Variants in PTPRD observed in about 807,000 individuals in gnomAD.
PTPRD encodes the protein protein tyrosine phosphatase receptor type D.
In PTPRD, 34 loss-of-function variants were observed where a neutral mutation model predicts 214.5. The ratio of observed to expected loss-of-function variants is 0.16; its 90% confidence interval spans 0.12 to 0.21. The LOEUF (loss-of-function observed/expected upper bound fraction) is 0.21. Among genes scored for constraint, PTPRD ranks in the 10% least tolerant of loss-of-function variants. The pLI is 1.00. For missense variants in PTPRD, 2,545 were observed against 2,398.7 expected, an observed-to-expected ratio of 1.06 and a Z score of -1.27; for synonymous variants, 1,128 against 845.7, an observed-to-expected ratio of 1.33 and a Z score of -5.79.
intron 11 of PTPRD, among the ~76,000 whole-genome samples, chr9:8,739,723 GA>G (rs2091425603): frequency 6.6e-6 from 1 of 152,190 alleles, no homozygotes; most frequent in Non-Finnish European, 1.5e-5. Context: ...GATATGGTTT[GA>G]CTGTGTCCCC....
intron 2 of PTPRD, among the ~76,000 whole-genome samples, chr9:10,559,098 A>G (rs1475623003): frequency 4.6e-5 from 7 of 152,176 alleles, no homozygotes; most frequent in Admixed American, 2.0e-4. Flanking sequence ...TGAGTTAAAT[A>G]CAGGACTTAG....
intron 11 of PTPRD, among the ~76,000 whole-genome samples, chr9:8,873,515 TA>T (rs1464927586): frequency 1.3e-5 from 2 of 152,086 alleles, no homozygotes; most frequent in Non-Finnish European, 2.9e-5. Flanking sequence ...GTGTTAACTT[TA>T]TTTTTTTTTA....
chr9:8,658,385 T>C (rs971910630), intron 12 of PTPRD, among the ~76,000 whole-genome samples: 1 of 152,210 alleles, frequency 6.6e-6, no homozygotes. Flanking sequence ...AGAACTCACA[T>C]TGTGTCCTAT....
chr9:9,990,205 A>C (rs1380081486), intron 4 of PTPRD, among the ~76,000 whole-genome samples: 1 of 152,134 alleles, frequency 6.6e-6, no homozygotes, highest in Non-Finnish European at 1.5e-5. Context: ...GGGGCAACTG[A>C]AGGTGTTGGC....
At chr9:8,852,185 A>G (rs1241670689) in intron 11 of PTPRD, among the ~76,000 whole-genome samples, 1 of 152,238 alleles carries the variant, frequency 6.6e-6, no homozygotes, top group African/African-American at 2.4e-5. Context: ...TCTAAATACA[A>G]TTCCCAAATC....
At chr9:9,752,991 T>C (rs1055848332) in intron 6 of PTPRD, among the ~76,000 whole-genome samples, 6 of 152,106 alleles carry the variant, frequency 3.9e-5, no homozygotes, top group African/African-American at 1.4e-4. Flanking sequence ...ACTTAACAAC[T>C]AACCCCACTT....
At chr9:8,943,295 A>G (rs1221511837) in intron 11 of PTPRD, among the ~76,000 whole-genome samples, 2 of 152,062 alleles carry the variant, frequency 1.3e-5, no homozygotes, top group Non-Finnish European at 2.9e-5. Flanking sequence ...TTTATGGAAC[A>G]CAAAAGACTC....
At chr9:9,339,871 T>C (rs2225596) in intron 9 of PTPRD, among the ~76,000 whole-genome samples, 28,507 of 152,054 alleles carry the variant, frequency 0.19, 2,974 homozygotes, top group East Asian at 0.35. Context: ...ATAACACCAT[T>C]GGTTTTAGGT....
intron 9 of PTPRD, among the ~76,000 whole-genome samples, chr9:9,370,726 C>G (rs529028368): frequency 1.3e-5 from 2 of 152,194 alleles, no homozygotes; most frequent in Non-Finnish European, 2.9e-5. Flanking sequence ...TTTGTCCATT[C>G]AGTATGATAT....
chr9:9,894,216 T>C (rs1467326697), intron 5 of PTPRD, among the ~76,000 whole-genome samples: 1 of 152,090 alleles, frequency 6.6e-6, no homozygotes, highest in Non-Finnish European at 1.5e-5. Flanking sequence ...GGCTGGTCTC[T>C]CTGCCTCTGT....
intron 7 of PTPRD, among the ~76,000 whole-genome samples, chr9:9,603,820 A>C (rs1054978207): frequency 2.7e-5 from 4 of 149,802 alleles, no homozygotes; most frequent in African/African-American, 9.9e-5. Context: ...ACTTTTAGTA[A>C]GAGTAAAAAT....
chr9:10,256,309 C>T (rs772239915), intron 3 of PTPRD, among the ~76,000 whole-genome samples: 5 of 151,492 alleles, frequency 3.3e-5, no homozygotes, highest in South Asian at 2.1e-4. Flanking sequence ...GGAAGGTCTT[C>T]GGGGGTAATA....
At chr9:8,395,848 C>T (rs2091002932) in intron 36 of PTPRD, among the ~76,000 whole-genome samples, 1 of 151,994 alleles carries the variant, frequency 6.6e-6, no homozygotes. Context: ...ATTGAACTAT[C>T]TTTGAATACA....
chr9:8,501,115 A>G, intron 23 of PTPRD, 56 bp from the exon 24 acceptor site: 1 of 1,332,964 alleles, frequency 7.5e-7, no homozygotes, highest in Non-Finnish European at 1.0e-6. Context: ...GAGTGGTTGA[A>G]AAAAAAAATG....
intron 2 of PTPRD, among the ~76,000 whole-genome samples, chr9:10,427,656 T>G (rs778428045): frequency 6.6e-6 from 1 of 152,096 alleles, no homozygotes; most frequent in Non-Finnish European, 1.5e-5. Flanking sequence ...GACATGTAGT[T>G]TCTGTCCCGA....
intron 8 of PTPRD, among the ~76,000 whole-genome samples, chr9:9,468,026 A>G (rs1220095694): frequency 6.6e-6 from 1 of 152,084 alleles, no homozygotes; most frequent in Non-Finnish European, 1.5e-5. Context: ...GGAACTTTAT[A>G]CCATGCTTAT....
chr9:9,750,045 C>T (rs924953487), intron 6 of PTPRD, among the ~76,000 whole-genome samples: 1 of 152,042 alleles, frequency 6.6e-6, no homozygotes, highest in East Asian at 1.9e-4. Flanking sequence ...TTGAAAACAA[C>T]TACGAAAAAT....
intron 12 of PTPRD, among the ~76,000 whole-genome samples, chr9:8,724,974 T>C (rs753418614): frequency 1.1e-4 from 16 of 152,104 alleles, no homozygotes; most frequent in Non-Finnish European, 2.2e-4. Context: ...AATAAGTGCA[T>C]GTAAAAACTG....
chr9:9,112,516 C>G (rs950412161), intron 10 of PTPRD, among the ~76,000 whole-genome samples: 1 of 152,092 alleles, frequency 6.6e-6, no homozygotes, highest in African/African-American at 2.4e-5. Context: ...AATTCTCTTT[C>G]TTAGAAGTCA....
Sources: gnomAD v4.1 joint callset for allele counts (sites outside exome capture counted in the v4.1 genomes callset) on GRCh38, gnomAD v4.1.1 for gene constraint, MANE v1.5 for transcripts, NCBI Gene and HGNC (gene_info 2026-07-23, HGNC 2026-07-21) for gene names.